Variants in BSPH1 observed in about 807,000 individuals in gnomAD.
The protein encoded by BSPH1 is binder of sperm 1.
Under a neutral mutation model 22.5 loss-of-function variants are expected in BSPH1, and 21 were observed. The ratio of observed to expected loss-of-function variants is 0.93; its 90% CI spans 0.66 to 1.35. The LOEUF is 1.35. BSPH1 is among the 40% of genes most tolerant of loss of function. BSPH1 has a pLI of 0.00. For missense variants in BSPH1, 141 were observed against 154.2 expected (o/e 0.91, Z 0.45); for synonymous variants, 42 against 53.6 (o/e 0.78, Z 0.95).
chr19:47,990,661 G>T (rs1172625071), intron 1 of BSPH1, among the ~76,000 whole-genome samples: 1 of 151,738 alleles, frequency 6.6e-6, no homozygotes, highest in East Asian at 1.9e-4. Context: ...ATACTTAAAA[G>T]AAATATCTGC....
chr19:47,991,962 G>A (rs1600096025), intron 1 of BSPH1, 47 bp downstream of exon 1: 1 of 1,294,322 alleles, frequency 7.7e-7, no homozygotes. Context: ...CTGCTCCAAA[G>A]TTAAGCTATC....
At chr19:47,977,344 T>A (rs773357990) in intron 4 of BSPH1, 29 bp downstream of exon 4, 2 of 1,531,960 alleles carry the variant, frequency 1.3e-6, no homozygotes, top group Middle Eastern at 1.7e-4. Context: ...AGATTACTGC[T>A]CTGAGGTATT....
intron 2 of BSPH1, among the ~76,000 whole-genome samples, chr19:47,980,126 C>A (rs919230226): frequency 4.6e-5 from 7 of 151,904 alleles, no homozygotes; most frequent in Non-Finnish European, 7.4e-5. Flanking sequence ...ATGTAACACC[C>A]CTGTGCTTTC....
At chr19:47,976,012 A>G (rs10424421) in intron 5 of BSPH1, among the ~76,000 whole-genome samples, 103,019 of 152,086 alleles carry the variant, frequency 0.68, 35,200 homozygotes, top group African/African-American at 0.75. Flanking sequence ...TCACAGAAAA[A>G]TTGAGTAGTA....
At chr19:47,972,009 T>TATC (rs59383367) in intron 5 of BSPH1, among the ~76,000 whole-genome samples, 104,427 of 151,788 alleles carry the variant, frequency 0.69, 35,872 homozygotes, top group South Asian at 0.78. Flanking sequence ...AAGAAAAAGT[T>TATC]ATTCTGACTG....
chr19:47,983,130 C>T (rs1385969975), intron 1 of BSPH1, among the ~76,000 whole-genome samples: 1 of 152,216 alleles, frequency 6.6e-6, no homozygotes, highest in Non-Finnish European at 1.5e-5. Flanking sequence ...TCAGCCAGTC[C>T]ATCAACCCAC....
chr19:47,970,876 G>T (rs532751378), intron 5 of BSPH1, among the ~76,000 whole-genome samples: 14 of 152,160 alleles, frequency 9.2e-5, no homozygotes, highest in African/African-American at 3.1e-4. Flanking sequence ...CTCCTTATGG[G>T]AGGATGAAAA....
intron 5 of BSPH1, among the ~76,000 whole-genome samples, chr19:47,974,286 T>TTTG (rs1415537086): frequency 6.7e-6 from 1 of 148,960 alleles, no homozygotes; most frequent in African/African-American, 2.5e-5. Flanking sequence ...TTTTTTTTTT[T>TTTG]TGAGATGGAG....
At chr19:47,985,707 C>T (rs1373434072) in intron 1 of BSPH1, among the ~76,000 whole-genome samples, 3 of 151,856 alleles carry the variant, frequency 2.0e-5, no homozygotes, top group South Asian at 2.1e-4. Flanking sequence ...TGGTGGTGTG[C>T]GCCTATAATC....
At chr19:47,967,636 C>G (rs567115183), downstream of BSPH1, among the ~76,000 whole-genome samples, 1 of 152,274 alleles carries the variant, frequency 6.6e-6, no homozygotes. Flanking sequence ...ATAAGGACAC[C>G]AGTCATATTG....
intron 1 of BSPH1, among the ~76,000 whole-genome samples, chr19:47,983,887 A>T (rs10853795): frequency 6.7e-6 from 1 of 150,308 alleles, no homozygotes; most frequent in East Asian, 1.9e-4. Context: ...CCCAGGCTGG[A>T]GTGTAGTGGC....
chr19:47,979,460 A>G, intron 3 of BSPH1, 110 bp downstream of exon 3: 2 of 594,162 alleles, frequency 3.4e-6, no homozygotes, highest in Non-Finnish European at 5.9e-6. Flanking sequence ...TACATTTTAT[A>G]TAAGGAGAAA....
chr19:47,991,793 C>T (rs1414894511), intron 1 of BSPH1, among the ~76,000 whole-genome samples: 1 of 79,998 alleles, frequency 1.3e-5, no homozygotes, highest in East Asian at 3.8e-4. Context: ...CTTCTCCCCC[C>T]TTTCCCTCTT....
At chr19:47,979,291 C>T (rs1344521993) in intron 3 of BSPH1, among the ~76,000 whole-genome samples, 2 of 132,964 alleles carry the variant, frequency 1.5e-5, no homozygotes, top group African/African-American at 3.0e-5. Flanking sequence ...TTTGTTCATA[C>T]TTCTAATTAT....
At chr19:47,968,986 G>A (rs1356468885) in intron 5 of BSPH1, among the ~76,000 whole-genome samples, 25 of 146,800 alleles carry the variant, frequency 1.7e-4, no homozygotes, top group African/African-American at 1.0e-4. Context: ...GCGACAGAGC[G>A]AGACCCTATC....
At chr19:47,967,800 C>A (rs1385142999), downstream of BSPH1, among the ~76,000 whole-genome samples, 3 of 152,144 alleles carry the variant, frequency 2.0e-5, no homozygotes, top group Non-Finnish European at 2.9e-5. Flanking sequence ...ACATCTCTAG[C>A]CAATTCTGAG....
At chr19:47,977,579 C>T (rs1164126410) in intron 3 of BSPH1, 75 bp from the exon 4 acceptor site, 8 of 1,512,442 alleles carry the variant, frequency 5.3e-6, no homozygotes, top group East Asian at 2.5e-5. Flanking sequence ...TCTTCCTAGG[C>T]GCTGTTGCCC....
chr19:47,991,980 C>A (rs984970779), intron 1 of BSPH1, 29 bp downstream of exon 1: 19 of 1,417,664 alleles, frequency 1.3e-5, no homozygotes, highest in Non-Finnish European at 1.9e-5. Flanking sequence ...ATCTACCTTG[C>A]ATAGGAAGAA....
At chr19:47,980,665 T>A (rs1458561698) in intron 2 of BSPH1, among the ~76,000 whole-genome samples, 2 of 151,926 alleles carry the variant, frequency 1.3e-5, no homozygotes, top group Non-Finnish European at 2.9e-5. Context: ...AGAGACGGGG[T>A]TTCACCTTGT....
Sources: allele counts gnomAD v4.1 joint callset (sites outside exome capture counted in the v4.1 genomes callset), GRCh38; gene constraint gnomAD v4.1.1; transcripts MANE v1.5; gene names NCBI Gene and HGNC (gene_info 2026-07-23, HGNC 2026-07-21).